Variants in RPSA2 observed in about 807,000 individuals in gnomAD.
The protein encoded by RPSA2 is ribosomal protein SA 2, also known as small ribosomal subunit protein uS2B.
chr19:23,827,590 T>A, the RPSA2 span: 1 of 1,587,416 alleles, frequency 6.3e-7, no homozygotes, highest in Non-Finnish European at 8.5e-7. Context: ...TTAACCTACC[T>A]ACCATTGCGC....
the RPSA2 span, among the ~76,000 whole-genome samples, chr19:23,835,306 T>C: frequency 6.6e-6 from 1 of 152,158 alleles, no homozygotes; most frequent in African/African-American, 2.4e-5. Flanking sequence ...CATCTATTAG[T>C]CTAAAGATAA....
At chr19:23,769,117 G>A in the RPSA2 span, among the ~76,000 whole-genome samples, 3 of 152,330 alleles carry the variant, frequency 2.0e-5, no homozygotes, top group Admixed American at 2.0e-4. Context: ...CGCTGAGACT[G>A]TGTGACTCTC....
At chr19:23,821,189 G>C in the RPSA2 span, among the ~76,000 whole-genome samples, 1 of 152,212 alleles carries the variant, frequency 6.6e-6, no homozygotes, top group African/African-American at 2.4e-5. Context: ...ATACTCAGGT[G>C]GTTAGTTGCT....
chr19:23,854,553 G>T, the RPSA2 span, among the ~76,000 whole-genome samples: 1 of 152,164 alleles, frequency 6.6e-6, no homozygotes, highest in African/African-American at 2.4e-5. Context: ...CTGTTTCCCT[G>T]GTTCTGTGGC....
At chr19:23,791,404 T>C in the RPSA2 span, among the ~76,000 whole-genome samples, 1 of 152,186 alleles carries the variant, frequency 6.6e-6, no homozygotes, top group Non-Finnish European at 1.5e-5. Context: ...TTTCCGGCAA[T>C]GTAGTAATTT....
the RPSA2 span, among the ~76,000 whole-genome samples, chr19:23,852,520 A>G: frequency 1.3e-5 from 2 of 152,234 alleles, no homozygotes; most frequent in Non-Finnish European, 2.9e-5. Context: ...CCTTAAGGAA[A>G]ACGAAAGGAT....
chr19:23,858,133 TG>T, the RPSA2 span, among the ~76,000 whole-genome samples: 1 of 151,692 alleles, frequency 6.6e-6, no homozygotes, highest in Non-Finnish European at 1.5e-5. Context: ...CATGTTTTAC[TG>T]GTTTAGGAAT....
chr19:23,793,855 C>T, the RPSA2 span, among the ~76,000 whole-genome samples: 10 of 152,082 alleles, frequency 6.6e-5, no homozygotes, highest in South Asian at 2.1e-4. Flanking sequence ...TGAGCCATCC[C>T]GCCAGGCCAA....
At chr19:23,832,091 C>A in the RPSA2 span, 1 of 457,900 alleles carries the variant, frequency 2.2e-6, no homozygotes, top group South Asian at 1.7e-5. Flanking sequence ...AAGCAACACT[C>A]AACCCTTACT....
At chr19:23,797,415 G>GT in the RPSA2 span, among the ~76,000 whole-genome samples, 2 of 152,120 alleles carry the variant, frequency 1.3e-5, no homozygotes, top group African/African-American at 2.4e-5. Flanking sequence ...GCCCTGGCCT[G>GT]TTTTTTTGTT....
At chr19:23,788,060 G>C in the RPSA2 span, among the ~76,000 whole-genome samples, 1 of 152,186 alleles carries the variant, frequency 6.6e-6, no homozygotes, top group Non-Finnish European at 1.5e-5. Flanking sequence ...TCCTGCCCAA[G>C]TGGTCATTTT....
the RPSA2 span, among the ~76,000 whole-genome samples, chr19:23,798,207 A>G: frequency 6.6e-6 from 1 of 152,204 alleles, no homozygotes; most frequent in Non-Finnish European, 1.5e-5. Context: ...AAGAGCACAC[A>G]AAAGTTTAGC....
the RPSA2 span, among the ~76,000 whole-genome samples, chr19:23,786,102 C>T: frequency 1.3e-5 from 2 of 152,138 alleles, no homozygotes; most frequent in Non-Finnish European, 2.9e-5. Context: ...AGTACTTTAG[C>T]GGGTGAAAAT....
the RPSA2 span, among the ~76,000 whole-genome samples, chr19:23,843,658 G>T: frequency 6.6e-6 from 1 of 152,210 alleles, no homozygotes; most frequent in South Asian, 2.1e-4. Context: ...TCTGAAATGT[G>T]TGAGAGCAGT....
At chr19:23,792,748 C>T in the RPSA2 span, among the ~76,000 whole-genome samples, 10 of 151,706 alleles carry the variant, frequency 6.6e-5, no homozygotes, top group African/African-American at 2.2e-4. Flanking sequence ...CTCCTGACCT[C>T]GTGATCTGCC....
At chr19:23,864,076 ACT>A in the RPSA2 span, among the ~76,000 whole-genome samples, 1 of 151,934 alleles carries the variant, frequency 6.6e-6, no homozygotes, top group Non-Finnish European at 1.5e-5. Context: ...ATGCACACAC[ACT>A]CTCTCATTCC....
the RPSA2 span, among the ~76,000 whole-genome samples, chr19:23,799,704 A>T: frequency 6.9e-6 from 1 of 144,044 alleles, no homozygotes; most frequent in Admixed American, 7.2e-5. Context: ...GTAGCCAAAA[A>T]GATAGCACCC....
the RPSA2 span, among the ~76,000 whole-genome samples, chr19:23,776,805 C>T: frequency 1.3e-4 from 20 of 152,282 alleles, no homozygotes; most frequent in African/African-American, 3.9e-4. Flanking sequence ...GGCCCAATGC[C>T]GAGGTGATGT....
the RPSA2 span, among the ~76,000 whole-genome samples, chr19:23,785,983 AC>A: frequency 1.3e-5 from 2 of 152,152 alleles, no homozygotes; most frequent in Non-Finnish European, 1.5e-5. Context: ...TCATGTGCAC[AC>A]CCCACCAATT....
Sources: gnomAD v4.1 joint callset for allele counts (sites outside exome capture counted in the v4.1 genomes callset) on GRCh38, gnomAD v4.1.1 for gene constraint, MANE v1.5 for transcripts, NCBI Gene and HGNC (gene_info 2026-07-23, HGNC 2026-07-21) for gene names.